Variants in SGIP1 observed in about 807,000 individuals in gnomAD.
SGIP1 encodes SH3GL interacting endocytic adaptor 1.
A neutral mutation model predicts 107.5 loss-of-function variants in SGIP1; 38 were observed. That is an observed-to-expected ratio of 0.35 (90% CI 0.27 to 0.46). SGIP1 has a LOEUF of 0.46. Ranked by LOEUF, SGIP1 falls within the 20% of genes least tolerant of loss-of-function variation. The probability of loss-of-function intolerance (pLI) is 1.00; values close to 1 mark genes in which losing one functional copy is unlikely to be tolerated. For missense variants in SGIP1, 929 were observed against 1,019.5 expected (o/e 0.91, Z 1.21); for synonymous variants, 365 against 366.1 (o/e 1.00, Z 0.03).
chr1:66,621,857 G>A lies in SGIP1; in HGVS notation c.11-3990G>A, dbSNP rs544802580. ...GCTTATCCATTTATCTGTTGATGGA[G>A]AGCCATTTCATTGTAAAAGGAATTT... On this transcript the variant is annotated intron_variant, in intron 1 of 24. Transcript: ENST00000371037. 3.3e-5 allele frequency among the ~76,000 whole-genome samples: 5 copies of A among 152,296 alleles called. No homozygotes were observed. In the East Asian group the frequency reaches 9.6e-4, roughly 29 times the overall value.
chr1:66,584,056 G>C (rs760584198), intron 1 of SGIP1, among the ~76,000 whole-genome samples: 1 of 151,954 alleles, frequency 6.6e-6, no homozygotes, highest in Non-Finnish European at 1.5e-5. Context: ...CTGTTTTGTT[G>C]GTGTTGTTGC....
At chr1:66,574,937 T>G (rs1295222288) in intron 1 of SGIP1, among the ~76,000 whole-genome samples, 1 of 152,218 alleles carries the variant, frequency 6.6e-6, no homozygotes, top group African/African-American at 2.4e-5. Context: ...TATGAAACCA[T>G]GGTGCTAGCT....
intron 1 of SGIP1, among the ~76,000 whole-genome samples, chr1:66,541,898 G>A (rs1225694677): frequency 6.6e-6 from 1 of 152,108 alleles, no homozygotes; most frequent in Non-Finnish European, 1.5e-5. Context: ...CAAAACACAA[G>A]GCAACAATGT....
chr1:66,640,040 T>C (rs1231762748), intron 5 of SGIP1, among the ~76,000 whole-genome samples: 3 of 152,160 alleles, frequency 2.0e-5, no homozygotes, highest in East Asian at 3.8e-4. Context: ...CTTTATGAGA[T>C]TTTTTGTGAT....
At chr1:66,742,969 T>C in intron 24 of SGIP1, 104 bp from the exon 25 acceptor site, 1 of 1,148,018 alleles carries the variant, frequency 8.7e-7, no homozygotes, top group Non-Finnish European at 1.3e-6. Flanking sequence ...GTATGCAGTA[T>C]CTGGCTCCTA....
At chr1:66,650,943 G>A (rs147786717) in intron 7 of SGIP1, among the ~76,000 whole-genome samples, 9 of 152,214 alleles carry the variant, frequency 5.9e-5, no homozygotes, top group African/African-American at 9.6e-5. Context: ...CTGACTTTCC[G>A]TTTATTATCC....
At chr1:66,574,382 C>G (rs527551818) in intron 1 of SGIP1, among the ~76,000 whole-genome samples, 2 of 152,078 alleles carry the variant, frequency 1.3e-5, no homozygotes, top group African/African-American at 2.4e-5. Context: ...CATTCTCTGC[C>G]GTGGTGTCCC....
chr1:66,714,968 G>A (rs967584321), intron 18 of SGIP1, among the ~76,000 whole-genome samples: 14 of 152,038 alleles, frequency 9.2e-5, no homozygotes, highest in Non-Finnish European at 2.9e-5. Context: ...GTGCTATGGG[G>A]GATGAAAGCA....
intron 7 of SGIP1, among the ~76,000 whole-genome samples, chr1:66,657,920 T>C (rs911489892): frequency 1.3e-5 from 2 of 152,214 alleles, no homozygotes; most frequent in Non-Finnish European, 2.9e-5. Context: ...ACATCTTTGT[T>C]TTTTCCTATC....
chr1:66,534,467 C>T (rs887872093), intron 1 of SGIP1, 99 bp downstream of exon 1: 7 of 1,391,562 alleles, frequency 5.0e-6, no homozygotes, highest in Non-Finnish European at 4.1e-6. Context: ...GGTTCTAGAA[C>T]CTGGTTGCCA....
chr1:66,591,738 A>G (rs555678731), intron 1 of SGIP1, among the ~76,000 whole-genome samples: 1 of 152,334 alleles, frequency 6.6e-6, no homozygotes, highest in African/African-American at 2.4e-5. Flanking sequence ...GAGTTCCCTC[A>G]GTATTTATTG....
At chr1:66,635,494 C>T (rs1046166428) in intron 3 of SGIP1, among the ~76,000 whole-genome samples, 6 of 152,220 alleles carry the variant, frequency 3.9e-5, no homozygotes, top group Admixed American at 3.3e-4. Flanking sequence ...AGATTTGGAG[C>T]TATCAGCTGT....
intron 6 of SGIP1, 149 bp downstream of exon 6, chr1:66,643,013 C>A: frequency 1.5e-6 from 1 of 676,736 alleles, no homozygotes; most frequent in Non-Finnish European, 2.5e-6. Context: ...GCACTGAGAA[C>A]ACCCTGAGCT....
chr1:66,578,799 G>A (rs2061426137), intron 1 of SGIP1, among the ~76,000 whole-genome samples: 1 of 152,272 alleles, frequency 6.6e-6, no homozygotes, highest in Non-Finnish European at 1.5e-5. Flanking sequence ...AGCCTCCCGA[G>A]TAGCTGGGAT....
chr1:66,625,989 C>A, intron 2 of SGIP1, 79 bp downstream of exon 2: 3 of 1,087,216 alleles, frequency 2.8e-6, no homozygotes, highest in South Asian at 1.7e-5. Flanking sequence ...TATAAGATGG[C>A]CACAGTTTTC....
intron 1 of SGIP1, among the ~76,000 whole-genome samples, chr1:66,540,263 T>C (rs10493409): frequency 6.6e-6 from 1 of 152,100 alleles, no homozygotes; most frequent in African/African-American, 2.4e-5. Context: ...TTTGAAAATA[T>C]GTACTTGAGC....
chr1:66,733,072 A>G (rs1342443281), intron 20 of SGIP1, among the ~76,000 whole-genome samples: 1 of 152,220 alleles, frequency 6.6e-6, no homozygotes, highest in Non-Finnish European at 1.5e-5. Context: ...GAGCAAAGCT[A>G]AGACTCTCAT....
chr1:66,706,371 ATATT>A (rs1424574663), intron 18 of SGIP1, among the ~76,000 whole-genome samples: 1 of 146,520 alleles, frequency 6.8e-6, no homozygotes, highest in Non-Finnish European at 1.5e-5. Flanking sequence ...ACTATAAAAT[ATATT>A]TATATATTTA....
At chr1:66,568,041 A>T (rs534563041) in intron 1 of SGIP1, among the ~76,000 whole-genome samples, 2 of 152,246 alleles carry the variant, frequency 1.3e-5, no homozygotes, top group South Asian at 4.1e-4. Flanking sequence ...TTCTGTGAAG[A>T]ATGTCAATGG....
Sources: gnomAD v4.1 joint callset for allele counts (sites outside exome capture counted in the v4.1 genomes callset) on GRCh38, gnomAD v4.1.1 for gene constraint, MANE v1.5 for transcripts, NCBI Gene and HGNC (gene_info 2026-07-23, HGNC 2026-07-21) for gene names.